HERC2: variants seen among roughly 807,000 people sequenced by gnomAD.
The protein encoded by HERC2 is HECT and RLD domain containing E3 ubiquitin protein ligase 2, also known as E3 ubiquitin-protein ligase HERC2.
A neutral mutation model predicts 537.7 loss-of-function variants in HERC2; 102 were observed. That is an observed-to-expected ratio of 0.19 (90% CI 0.16 to 0.22). The LOEUF (loss-of-function observed/expected upper bound fraction) is 0.22, where lower values mean the gene tolerates loss of function less well. Ranked by LOEUF, HERC2 falls within the 10% of genes least tolerant of loss-of-function variation. The pLI, the probability that HERC2 is intolerant of heterozygous loss-of-function variation, is 1.00. For missense variants in HERC2, 4,236 were observed against 6,198.2 expected, an observed-to-expected ratio of 0.68 and a Z score of 10.63; for synonymous variants, 2,224 against 2,466.2, an observed-to-expected ratio of 0.90 and a Z score of 2.91.
Position 28,124,903 on chromosome 15 carries a change from T to C in HERC2, c.12990+103A>G, listed in dbSNP as rs1889308955. On this transcript the variant is annotated intron_variant, in intron 84 of 92. Transcript: ENST00000261609. ...TGGTTAACATTTACTGAGCCTGAAT[T>C]ATTTTCACCAAGAAGCCTCTGTAAA... The C allele has an allele frequency of 2.5e-6, 3 of 1,187,018 alleles. No homozygotes were observed. The East Asian group carries it at 7.1e-5, about 28-fold the overall frequency. The allele number at this position is 1,187,018 out of a possible 1,614,324, so 73.5% of individuals were successfully genotyped here.
At position 28,130,149 on chromosome 15, in the gene HERC2, G is replaced by A. The variant is rs375052633; in HGVS notation, c.12802+14C>T. The A allele has an allele frequency of 1.9e-6, 3 of 1,613,900 alleles. No homozygotes were observed. The highest frequency in any genetic ancestry group is 2.7e-5 in the African/African-American group (2 of 74,902). On this transcript the variant is annotated intron_variant, in intron 83 of 92. Transcript: ENST00000261609. Reference sequence around the variant, plus strand: ...TCACAGGCCTCAGTCCTGCGGCACTGAGCCCCTACCTACCATCCTCTGTGC... The same window carrying A: ...TCACAGGCCTCAGTCCTGCGGCACTAAGCCCCTACCTACCATCCTCTGTGC...
At chr15:28,129,871 G>A (rs1478062465) in intron 83 of HERC2, among the ~76,000 whole-genome samples, 1 of 150,242 alleles carries the variant, frequency 6.7e-6, no homozygotes, top group Non-Finnish European at 1.5e-5. Flanking sequence ...CCACCTCCCG[G>A]GTTCAAGTGA....
intron 36 of HERC2, 93 bp downstream of exon 36, chr15:28,221,935 G>A: frequency 9.9e-7 from 1 of 1,005,256 alleles, no homozygotes; most frequent in Non-Finnish European, 1.6e-6. Flanking sequence ...ACACATCCTG[G>A]ATTATTCCAA....
chr15:28,159,530 C>G (rs1893357765), intron 69 of HERC2, among the ~76,000 whole-genome samples: 1 of 152,218 alleles, frequency 6.6e-6, no homozygotes, highest in African/African-American at 2.4e-5. Flanking sequence ...GAATTGGCTA[C>G]TGAAGTGTGT....
chr15:28,321,817 G>A (rs573008186), intron 1 of HERC2, among the ~76,000 whole-genome samples: 4 of 143,446 alleles, frequency 2.8e-5, no homozygotes, highest in Admixed American at 2.7e-4. Flanking sequence ...ACAAATGACA[G>A]CAGCATGAAT....
intron 10 of HERC2, among the ~76,000 whole-genome samples, chr15:28,270,439 G>A (rs1055315794): frequency 1.2e-4 from 19 of 152,006 alleles, no homozygotes; most frequent in Admixed American, 9.2e-4. Context: ...TGGATAAAGG[G>A]GAGCTCTCTG....
At chr15:28,304,162 T>A (rs1410152040) in intron 2 of HERC2, among the ~76,000 whole-genome samples, 30 of 55,686 alleles carry the variant, frequency 5.4e-4, no homozygotes, top group Admixed American at 1.6e-3. Context: ...TGAGACTCCA[T>A]CTCAAAAAAA....
At chr15:28,291,670 C>A (rs1160226673) in intron 4 of HERC2, among the ~76,000 whole-genome samples, 1 of 151,770 alleles carries the variant, frequency 6.6e-6, no homozygotes, top group Non-Finnish European at 1.5e-5. Flanking sequence ...TTTTACTGGG[C>A]TGGATAAAGG....
At chr15:28,132,895 A>G in intron 79 of HERC2, 65 bp from the exon 80 acceptor site, 1 of 1,275,398 alleles carries the variant, frequency 7.8e-7, no homozygotes, top group Non-Finnish European at 1.1e-6. Flanking sequence ...TCAGTGTATT[A>G]AATACCTCTC....
chr15:28,219,373 G>A (rs1900273599), intron 37 of HERC2, among the ~76,000 whole-genome samples: 1 of 152,252 alleles, frequency 6.6e-6, no homozygotes, highest in Admixed American at 6.5e-5. Flanking sequence ...CCCCAGGCAG[G>A]GAGCCAGGCC....
At chr15:28,321,529 A>C in intron 1 of HERC2, 65 bp from the exon 2 acceptor site, 1 of 808,096 alleles carries the variant, frequency 1.2e-6, no homozygotes, top group Admixed American at 2.1e-5. Flanking sequence ...CACTCCCGAA[A>C]GCCAGAAAAG....
At chr15:28,121,768 A>G (rs1232313911) in intron 85 of HERC2, among the ~76,000 whole-genome samples, 1 of 152,246 alleles carries the variant, frequency 6.6e-6, no homozygotes, top group Non-Finnish European at 1.5e-5. Context: ...GCTCTGACTC[A>G]GGTCTTGAAG....
chr15:28,286,142 T>C (rs1251642132), intron 4 of HERC2, among the ~76,000 whole-genome samples: 2 of 152,012 alleles, frequency 1.3e-5, no homozygotes, highest in Non-Finnish European at 1.5e-5. Context: ...TTCTGGAAAC[T>C]AGAAGAGGAA....
At chr15:28,152,616 G>A (rs1301456914) in intron 70 of HERC2, 61 bp downstream of exon 70, 7 of 1,395,294 alleles carry the variant, frequency 5.0e-6, no homozygotes. Context: ...AGCAATTACA[G>A]AATCACATCA....
At chr15:28,280,817 C>A (rs549055084) in intron 4 of HERC2, among the ~76,000 whole-genome samples, 1 of 151,878 alleles carries the variant, frequency 6.6e-6, no homozygotes, top group South Asian at 2.1e-4. Context: ...GGCTGAGGCA[C>A]GAGAATTGCC....
chr15:28,190,743 G>T, intron 55 of HERC2: 1 of 579,126 alleles, frequency 1.7e-6, no homozygotes. Flanking sequence ...TGCTACCAAA[G>T]AGAGTGAGAA....
At chr15:28,303,640 A>G (rs1340846583) in intron 2 of HERC2, among the ~76,000 whole-genome samples, 2 of 152,162 alleles carry the variant, frequency 1.3e-5, no homozygotes, top group Non-Finnish European at 2.9e-5. Context: ...TGCTTTGGGT[A>G]GTACAGACAT....
intron 20 of HERC2, among the ~76,000 whole-genome samples, chr15:28,252,198 G>A (rs552745443): frequency 1.3e-5 from 2 of 152,208 alleles, no homozygotes; most frequent in African/African-American, 2.4e-5. Flanking sequence ...ATCAGCAAAC[G>A]GTGTTGAGTG....
At chr15:28,189,058 G>C (rs186226064) in intron 55 of HERC2, among the ~76,000 whole-genome samples, 52 of 152,264 alleles carry the variant, frequency 3.4e-4, no homozygotes, top group African/African-American at 1.2e-3. Flanking sequence ...CTGCACTCCA[G>C]CCTGGGCGAC....
Sources: allele counts gnomAD v4.1 joint callset (sites outside exome capture counted in the v4.1 genomes callset), GRCh38; gene constraint gnomAD v4.1.1; transcripts MANE v1.5; gene names NCBI Gene and HGNC (gene_info 2026-07-23, HGNC 2026-07-21).